The following PLB1 variants were observed in gnomAD, a reference collection of about 807,000 sequenced individuals.
The protein encoded by PLB1 is phospholipase B1.
Under a neutral mutation model 227.4 loss-of-function variants are expected in PLB1, and 242 were observed. That is an observed-to-expected ratio of 1.06 (90% confidence interval 0.96 to 1.18). The LOEUF is 1.18. PLB1 is among the 50% of genes most tolerant of loss of function. PLB1 has a pLI of 0.00. For missense variants in PLB1, 1,858 were observed against 1,816.3 expected, an observed-to-expected ratio of 1.02 and a Z score of -0.42; for synonymous variants, 757 against 682.2, an observed-to-expected ratio of 1.11 and a Z score of -1.71.
At chr2:28,626,640 G>A in intron 51 of PLB1, 132 bp downstream of exon 51, 1 of 791,210 alleles carries the variant, frequency 1.3e-6, no homozygotes, top group Non-Finnish European at 2.1e-6. Context: ...GCTGCCCCAG[G>A]CCCTCCCTGG....
At chr2:28,553,661 C>T (rs1329746114) in intron 17 of PLB1, among the ~76,000 whole-genome samples, 1 of 152,130 alleles carries the variant, frequency 6.6e-6, no homozygotes, top group Non-Finnish European at 1.5e-5. Context: ...CTAGGAGCAT[C>T]TGTAGCAGTG....
chr2:28,552,387 C>T (rs569226266), intron 16 of PLB1, among the ~76,000 whole-genome samples: 1 of 152,274 alleles, frequency 6.6e-6, no homozygotes, highest in East Asian at 1.9e-4. Context: ...TTAGAGGCCT[C>T]TTAGGCCATG....
intron 14 of PLB1, 125 bp downstream of exon 14, chr2:28,543,393 A>C: frequency 1.0e-6 from 1 of 956,224 alleles, no homozygotes. Context: ...GTTCTGGGCC[A>C]CCAGGGATGC....
intron 1 of PLB1, among the ~76,000 whole-genome samples, chr2:28,512,630 C>T (rs897122804): frequency 1.5e-4 from 23 of 151,068 alleles, no homozygotes; most frequent in Admixed American, 7.3e-4. Flanking sequence ...TGAAATCTGT[C>T]TCTCTAATTG....
intron 43 of PLB1, among the ~76,000 whole-genome samples, chr2:28,610,938 G>C (rs181576771): frequency 8.5e-5 from 13 of 152,212 alleles, no homozygotes; most frequent in Admixed American, 2.0e-4. Flanking sequence ...AGCCAGTCAG[G>C]CTCAATCAAA....
chr2:28,620,382 G>A (rs1686863687), intron 47 of PLB1, 50 bp downstream of exon 47: 1 of 1,501,498 alleles, frequency 6.7e-7, no homozygotes, highest in Non-Finnish European at 9.0e-7. Flanking sequence ...TCTCAGAGAG[G>A]TGTGAGTAGT....
chr2:28,617,652 G>A (rs1298320720), intron 44 of PLB1, 75 bp from the exon 45 acceptor site: 3 of 1,437,048 alleles, frequency 2.1e-6, no homozygotes, highest in Non-Finnish European at 2.9e-6. Flanking sequence ...TCCCTTAGCT[G>A]GTTCTTCTTG....
chr2:28,538,390 A>G lies in PLB1; in HGVS notation c.618+9A>G, dbSNP rs7589169. 0.92 allele frequency: 1,479,976 copies of G among 1,610,224 alleles called. 683,435 individuals are homozygous for G. The highest frequency in any genetic ancestry group is 0.99 in the East Asian group (44,564 of 44,834). ...ACTACCTGCAGCAGGAGGTGAGGCC[A>G]CGGGCCTAGGGCTTCCCCAAGGGCA... On this transcript the variant is annotated intron_variant, in intron 10 of 57. Transcript: ENST00000327757.
chr2:28,598,883 C>G (rs534404888), intron 35 of PLB1, 123 bp downstream of exon 35: 1 of 799,878 alleles, frequency 1.3e-6, no homozygotes, highest in African/African-American at 1.7e-5. Flanking sequence ...GAGGCTCAGG[C>G]TGCCCTCTTC....
At chr2:28,499,652 G>A (rs1446595289) in intron 1 of PLB1, among the ~76,000 whole-genome samples, 3 of 152,106 alleles carry the variant, frequency 2.0e-5, no homozygotes, top group African/African-American at 7.2e-5. Context: ...TTGGGAGGCC[G>A]AGGTGGGTGC....
chr2:28,592,403 CTCCCTT>C (rs1439723443), intron 31 of PLB1, among the ~76,000 whole-genome samples: 1 of 128,752 alleles, frequency 7.8e-6, no homozygotes, highest in Admixed American at 7.5e-5. Flanking sequence ...ATCTCTCCTT[CTCCCTT>C]TCCCCACTTT....
chr2:28,555,141 CTTTTT>C (rs3041204), intron 17 of PLB1, among the ~76,000 whole-genome samples: 1 of 120,232 alleles, frequency 8.3e-6, no homozygotes. Flanking sequence ...TGCCAGTGAT[CTTTTT>C]TTTTTTTTTT....
intron 20 of PLB1, among the ~76,000 whole-genome samples, chr2:28,571,263 G>T (rs943720756): frequency 6.6e-6 from 1 of 151,950 alleles, no homozygotes; most frequent in South Asian, 2.1e-4. Context: ...AACCAAAAAA[G>T]GGCATCGCTT....
intron 9 of PLB1, among the ~76,000 whole-genome samples, chr2:28,532,816 C>T (rs1671198503): frequency 1.3e-5 from 2 of 152,170 alleles, no homozygotes; most frequent in African/African-American, 4.8e-5. Flanking sequence ...CTGTATCTTC[C>T]AAGTGCTTTG....
chr2:28,547,818 T>C (rs1673532666), intron 14 of PLB1, among the ~76,000 whole-genome samples: 1 of 151,222 alleles, frequency 6.6e-6, no homozygotes, highest in African/African-American at 2.4e-5. Context: ...TGTTTATATA[T>C]GTATAATGAA....
intron 1 of PLB1, among the ~76,000 whole-genome samples, chr2:28,514,583 T>C (rs1283580521): frequency 6.6e-6 from 1 of 152,230 alleles, no homozygotes; most frequent in East Asian, 1.9e-4. Flanking sequence ...TTTGTTTACA[T>C]GTTGTCCATG....
chr2:28,611,335 A>G (rs1685430315), intron 43 of PLB1, among the ~76,000 whole-genome samples: 1 of 152,174 alleles, frequency 6.6e-6, no homozygotes, highest in African/African-American at 2.4e-5. Flanking sequence ...CAAAAAGGTC[A>G]AGTTTGTCCT....
chr2:28,576,253 A>T (rs1381788289), intron 21 of PLB1, among the ~76,000 whole-genome samples: 1 of 152,196 alleles, frequency 6.6e-6, no homozygotes, highest in African/African-American at 2.4e-5. Context: ...AAATGCATCG[A>T]CTTGACCACA....
At chr2:28,572,683 T>C (rs1391175602) in intron 20 of PLB1, among the ~76,000 whole-genome samples, 1 of 152,142 alleles carries the variant, frequency 6.6e-6, no homozygotes, top group Non-Finnish European at 1.5e-5. Flanking sequence ...ATTTCATTCA[T>C]ATGAAATGGC....
Sources: gnomAD v4.1 joint callset for allele counts (sites outside exome capture counted in the v4.1 genomes callset) on GRCh38, gnomAD v4.1.1 for gene constraint, MANE v1.5 for transcripts, NCBI Gene and HGNC (gene_info 2026-07-23, HGNC 2026-07-21) for gene names.